Variants in CNOT1 observed in about 807,000 individuals in gnomAD.
CNOT1 encodes the protein CCR4-associated factor 1.
A neutral mutation model predicts 273.8 loss-of-function variants in CNOT1; 15 were observed. The observed-to-expected ratio is 0.05, with a 90% CI of 0.04 to 0.08. The LOEUF (loss-of-function observed/expected upper bound fraction) is 0.08, where lower values mean the gene tolerates loss of function less well. Ranked by LOEUF, CNOT1 falls within the 10% of genes least tolerant of loss-of-function variation. CNOT1 has a pLI of 1.00. For missense variants in CNOT1, 1,644 were observed against 2,912.2 expected (o/e 0.56, Z 10.02); for synonymous variants, 1,022 against 1,005.5 (o/e 1.02, Z -0.31).
intron 1 of CNOT1, among the ~76,000 whole-genome samples, chr16:58,599,892 G>A (rs917516949): frequency 7.9e-5 from 12 of 151,804 alleles, no homozygotes; most frequent in African/African-American, 2.4e-4. Flanking sequence ...GGTGAAACCC[G>A]TCTCTACTGA....
chr16:58,533,627 T>G (rs548668137), intron 40 of CNOT1, among the ~76,000 whole-genome samples: 1 of 151,566 alleles, frequency 6.6e-6, no homozygotes, highest in Admixed American at 6.6e-5. Flanking sequence ...AGAGTGAGAC[T>G]CCGTCTCAAA....
chr16:58,589,056 G>A (rs2041966425), intron 2 of CNOT1, 150 bp from the exon 3 acceptor site: 2 of 1,109,686 alleles, frequency 1.8e-6, no homozygotes, highest in South Asian at 3.3e-5. Context: ...ATTATTGATG[G>A]AAGTGCCCAT....
intron 1 of CNOT1, among the ~76,000 whole-genome samples, chr16:58,601,348 C>T (rs1048430400): frequency 2.5e-4 from 38 of 152,290 alleles, no homozygotes; most frequent in African/African-American, 8.4e-4. Flanking sequence ...CCGCCCGCCT[C>T]GGCCTCCCAA....
intron 16 of CNOT1, among the ~76,000 whole-genome samples, chr16:58,570,586 C>T (rs1180341721): frequency 6.6e-6 from 1 of 152,146 alleles, no homozygotes; most frequent in African/African-American, 2.4e-5. Context: ...GTGATCGTGT[C>T]CTGCGTGGGC....
In CNOT1 at chr16:58,574,700, C is replaced by T. The variant is rs150528737; in HGVS notation, c.1888G>A (p.Gly630Arg). 80 of 1,608,070 alleles carry T rather than the reference C, an allele frequency of 5.0e-5. No homozygotes were observed. Among genetic ancestry groups the T allele is most frequent in the Non-Finnish European group, 6.1e-5 (72 of 1,178,950 alleles). ...GGCTGGTCTTTTTCTGGGGCAAGTC[C>T]GCCCAAAATAGAAGGACACCGTCTC... is the stretch of plus-strand genomic sequence containing the variant. ...LKRRCPSILG[G>R]LAPEKDQPKS... is the part of the protein sequence containing the mutation. Residue 630 changes from glycine to arginine, a missense_variant, in exon 16 of 49, where the codon GGA becomes AGA. This residue lies in a region of CNOT1 where 706 missense variants were observed against 1,021.2 expected (regional missense o/e 0.69). Transcript: ENST00000317147.
intron 24 of CNOT1, among the ~76,000 whole-genome samples, chr16:58,550,599 CTATT>C (rs1245411550): frequency 2.0e-5 from 3 of 151,996 alleles, no homozygotes; most frequent in Non-Finnish European, 2.9e-5. Flanking sequence ...TGTTAATCAA[CTATT>C]TGTTTTATCA....
chr16:58,577,603 G>T (rs2041502889), intron 13 of CNOT1, among the ~76,000 whole-genome samples: 1 of 152,208 alleles, frequency 6.6e-6, no homozygotes, highest in Non-Finnish European at 1.5e-5. Flanking sequence ...TAAAGGGGAA[G>T]AAAGTTTTTT....
At chr16:58,627,934 T>G (rs1175211178) in intron 1 of CNOT1, among the ~76,000 whole-genome samples, 1 of 152,078 alleles carries the variant, frequency 6.6e-6, no homozygotes, top group Non-Finnish European at 1.5e-5. Flanking sequence ...TTCAAGCAAT[T>G]CTCCTGCCTC....
intron 36 of CNOT1, 88 bp from the exon 37 acceptor site, chr16:58,538,354 A>G: frequency 1.4e-6 from 1 of 726,220 alleles, no homozygotes. Flanking sequence ...GCTCCAAACT[A>G]AGAATGCCTT....
Position 58,560,359 on chromosome 16 carries a change from A to G in CNOT1, c.1983T>C (p.Ser661=), listed in dbSNP as rs2040789319. The G allele has an allele frequency of 6.2e-7, 1 of 1,613,618 alleles. No individual in the cohort carries two copies. Among genetic ancestry groups the G allele is most frequent in the Non-Finnish European group, 8.5e-7 (1 of 1,179,902 alleles). The change falls in exon 17 of 49, where the codon AGT becomes AGC. Residue 661 remains serine, a synonymous_variant. Coordinates refer to ENST00000317147, the MANE Select transcript of CNOT1 (RefSeq NM_016284.5). ...MLACLQACAG[S]VSQELSETIL... is the part of the protein sequence containing the mutation. Reference sequence around the variant, plus strand: ...TAGTTTCTGATAGCTCCTGAGAAACACTCCTAAAATAGAGGGGAAAAGGTA... The same window carrying G: ...TAGTTTCTGATAGCTCCTGAGAAACGCTCCTAAAATAGAGGGGAAAAGGTA...
chr16:58,522,237 CAAAAAAAAAAAAA>C (rs56149974), intron 47 of CNOT1, among the ~76,000 whole-genome samples: 5 of 98,556 alleles, frequency 5.1e-5, no homozygotes, highest in South Asian at 3.1e-4. Flanking sequence ...GAGACTGTCT[CAAAAAAAAAAAAA>C]AAAAAAAAAA....
At position 58,525,353 on chromosome 16, in the gene CNOT1, T is replaced by C; in HGVS notation, c.6610A>G (p.Asn2204Asp). Residue 2204 changes from asparagine to aspartate, a missense_variant, in exon 46 of 49, where the codon AAT becomes GAT. Asn to Asp is a conservative substitution (Grantham distance 23, BLOSUM62 1). This residue lies in a region of CNOT1 where 140 missense variants were observed against 324.6 expected (regional missense o/e 0.43). Coordinates refer to ENST00000317147, the MANE Select transcript of CNOT1 (RefSeq NM_016284.5). ...AGGTTGTAGCGATTCCCAGGTTCAT[T>C]GGATACCTTAAAATGAGCAAAACAG... ...SDLRSNLQVS[N>D]EPGNRYNLQL... 1 of 1,613,082 alleles carries C rather than the reference T, an allele frequency of 6.2e-7. No homozygotes were observed. Among genetic ancestry groups the C allele is most frequent in the Non-Finnish European group, 8.5e-7 (1 of 1,179,964 alleles).
intron 2 of CNOT1, among the ~76,000 whole-genome samples, chr16:58,592,989 C>G (rs985817966): frequency 2.0e-5 from 3 of 152,294 alleles, no homozygotes; most frequent in Admixed American, 1.3e-4. Flanking sequence ...CCTCAACATA[C>G]TCCTCACCCT....
intron 1 of CNOT1, among the ~76,000 whole-genome samples, chr16:58,603,618 C>T (rs902957495): frequency 6.6e-6 from 1 of 152,044 alleles, no homozygotes; most frequent in Non-Finnish European, 1.5e-5. Flanking sequence ...CTCTTCTTCC[C>T]CTACTCAGTT....
At chr16:58,532,421 G>A (rs115342267) in intron 40 of CNOT1, 26 bp from the exon 41 acceptor site, 2 of 1,604,036 alleles carry the variant, frequency 1.2e-6, no homozygotes, top group Non-Finnish European at 1.7e-6. Flanking sequence ...ATCAGAGCTT[G>A]TAAATCATTC....
intron 1 of CNOT1, among the ~76,000 whole-genome samples, chr16:58,618,799 A>G (rs1390547682): frequency 6.6e-6 from 1 of 152,218 alleles, no homozygotes; most frequent in Admixed American, 6.5e-5. Context: ...TTATATACAC[A>G]TATTAATCAA....
intron 1 of CNOT1, among the ~76,000 whole-genome samples, chr16:58,610,749 AGGAGAATGGCG>A (rs765733116): frequency 6.6e-6 from 1 of 151,986 alleles, no homozygotes; most frequent in Non-Finnish European, 1.5e-5. Context: ...AGGCTGAGGC[AGGAGAATGGCG>A]TGAACCCAGG....
At chr16:58,608,819 C>T (rs2042785135) in intron 1 of CNOT1, among the ~76,000 whole-genome samples, 1 of 152,122 alleles carries the variant, frequency 6.6e-6, no homozygotes, top group Non-Finnish European at 1.5e-5. Context: ...TCGCAGCGAC[C>T]TGGATGAGAC....
rs1249151895 is a variant in CNOT1 at position 58,520,780 on chromosome 16, A to G, written c.*178T>C. On this transcript the variant is annotated 3_prime_UTR_variant, in exon 49 of 49. Transcript: ENST00000317147. ...GGCCAAGAGTCAAAAAAATGCATTT[A>G]AACTTTGGAACGTGCCCACATAAGA... is the stretch of plus-strand genomic sequence containing the variant. 1 of 625,682 alleles carries G rather than the reference A, an allele frequency of 1.6e-6. No homozygotes were observed. Among genetic ancestry groups the G allele is most frequent in the Non-Finnish European group, 2.7e-6 (1 of 365,210 alleles). The allele number at this position is 625,682 out of a possible 1,614,324, so 38.8% of individuals were successfully genotyped here. A position where few individuals can be genotyped will look rare whatever the true frequency, so the allele number is the denominator to read the frequency against.
Sources: gnomAD v4.1 joint callset for allele counts (sites outside exome capture counted in the v4.1 genomes callset) on GRCh38, gnomAD v4.1.1 for gene constraint, gnomAD v4.1.1 regional missense constraint, MANE v1.5 for transcripts, NCBI Gene and HGNC (gene_info 2026-07-23, HGNC 2026-07-21) for gene names.